Variants in CEMIP2 observed in about 807,000 individuals in gnomAD.
CEMIP2 encodes cell migration inducing hyaluronidase 2, also known as cell surface hyaluronidase CEMIP2.
A neutral mutation model predicts 146.9 loss-of-function variants in CEMIP2; 79 were observed. The observed-to-expected ratio is 0.54, with a 90% CI of 0.45 to 0.65. The LOEUF (loss-of-function observed/expected upper bound fraction) is 0.65. Ranked by LOEUF, CEMIP2 falls within the 30% of genes least tolerant of loss-of-function variation. CEMIP2 has a pLI of 0.00. For synonymous variants in CEMIP2, 601 were observed against 606.3 expected, an observed-to-expected ratio of 0.99 and a Z score of 0.13; for missense variants, 1,596 against 1,696.2, an observed-to-expected ratio of 0.94 and a Z score of 1.04.
At chr9:71,718,516 A>G (rs1196997263) in intron 12 of CEMIP2, among the ~76,000 whole-genome samples, 2 of 152,192 alleles carry the variant, frequency 1.3e-5, no homozygotes, top group Non-Finnish European at 2.9e-5. Context: ...AAATGTTTAG[A>G]TATAGACAAA....
chr9:71,759,331 CA>C (rs1824557669), intron 1 of CEMIP2, among the ~76,000 whole-genome samples: 1 of 152,106 alleles, frequency 6.6e-6, no homozygotes, highest in East Asian at 1.9e-4. Flanking sequence ...TTGCCTGCCC[CA>C]AAAACCTATT....
chr9:71,697,987 G>GA lies in CEMIP2; in HGVS notation c.3594_3595insT (p.Gln1199SerfsTer6). On this transcript the variant is annotated frameshift_variant, in exon 20 of 24. Coordinates refer to ENST00000377044, the MANE Select transcript of CEMIP2 (RefSeq NM_013390.3). LOFTEE classifies it high-confidence loss of function. ...GACCACTTTTCATCCTTGTTTACCT[G>GA]CCGAGTGCCACAGCCTTGACAGAGT... 1 of 1,613,206 alleles carries GA rather than the reference G, an allele frequency of 6.2e-7. No individual in the cohort carries two copies. The highest frequency in any genetic ancestry group is 8.5e-7 in the Non-Finnish European group (1 of 1,179,574).
At position 71,683,684 on chromosome 9, in the gene CEMIP2, G is replaced by A. The variant is rs1411366073; in HGVS notation, c.*1513C>T. ...GATTAAGACATGTGCCCTTAGTAAG[G>A]GCACTTACAATTAGAAAGGTTTATC... On this transcript the variant is annotated 3_prime_UTR_variant, in exon 24 of 24. Coordinates refer to ENST00000377044, the MANE Select transcript of CEMIP2 (RefSeq NM_013390.3). 1 of 152,200 alleles carries A rather than the reference G, an allele frequency of 6.6e-6. No homozygotes were observed. Among genetic ancestry groups the A allele is most frequent in the Non-Finnish European group, 1.5e-5 (1 of 67,980 alleles). 9.4% of individuals were successfully genotyped at this position (152,200 alleles called of 1,614,324 possible).
intron 22 of CEMIP2, among the ~76,000 whole-genome samples, chr9:71,688,750 G>C (rs1255345203): frequency 6.6e-6 from 1 of 152,096 alleles, no homozygotes; most frequent in Non-Finnish European, 1.5e-5. Flanking sequence ...TCTAAGCACG[G>C]CTACCCTGCA....
intron 22 of CEMIP2, 132 bp downstream of exon 22, chr9:71,689,960 A>T (rs1001461299): frequency 9.3e-7 from 1 of 1,071,400 alleles, no homozygotes; most frequent in African/African-American, 1.6e-5. Context: ...GAGGTAGGAG[A>T]GGAATGAACA....
intron 3 of CEMIP2, 67 bp downstream of exon 3, chr9:71,746,134 G>A: frequency 1.3e-6 from 2 of 1,557,596 alleles, no homozygotes; most frequent in Non-Finnish European, 1.7e-6. Context: ...TCTACATAAG[G>A]AACATCAAAT....
At position 71,737,444 on chromosome 9, in the gene CEMIP2, C is replaced by T. The variant is rs116973979; in HGVS notation, c.1205-2450G>A. Among the ~76,000 whole-genome samples, 10 of 151,748 alleles carry T rather than the reference C, an allele frequency of 6.6e-5. No homozygotes were observed. In the East Asian group the frequency reaches 1.9e-3, roughly 29 times the overall value. On this transcript the variant is annotated intron_variant, in intron 5 of 23. Coordinates refer to ENST00000377044, the MANE Select transcript of CEMIP2 (RefSeq NM_013390.3). ...AAGAAAGAAAAAGAAAAAAAATATG[C>T]TAACTCTAAGGGATGACAATATGAG...
chr9:71,739,538 G>A (rs1215528893), intron 5 of CEMIP2, among the ~76,000 whole-genome samples: 1 of 152,034 alleles, frequency 6.6e-6, no homozygotes, highest in Non-Finnish European at 1.5e-5. Flanking sequence ...GAGGCAGAAA[G>A]CTGGGGCTTG....
intron 1 of CEMIP2, among the ~76,000 whole-genome samples, chr9:71,766,076 T>G (rs1419756017): frequency 1.3e-5 from 2 of 151,660 alleles, no homozygotes; most frequent in Non-Finnish European, 2.9e-5. Context: ...TTTTTTCTTT[T>G]TTTTTTTTTC....
chr9:71,697,912 A>C (rs1317551957), intron 20 of CEMIP2, 73 bp downstream of exon 20: 1 of 1,463,054 alleles, frequency 6.8e-7, no homozygotes, highest in Non-Finnish European at 9.3e-7. Context: ...GTTTCAAAGA[A>C]AAGTGCTCCT....
In CEMIP2 at chr9:71,709,239, T is replaced by C. The variant is rs1564002631; in HGVS notation, c.2985+20A>G. On this transcript the variant is annotated intron_variant, in intron 17 of 23. Transcript: ENST00000377044. ...CAGGAGCTGGTAGGAACTTGAGCAT[T>C]ATACATTTGCTAAGCCTACCTGTGC... 8 of 1,612,826 alleles carry C rather than the reference T, an allele frequency of 5.0e-6. No individual in the cohort carries two copies. The highest frequency in any genetic ancestry group is 6.8e-6 in the Non-Finnish European group (8 of 1,178,754).
At position 71,689,978 on chromosome 9, in the gene CEMIP2, T is replaced by C. The variant is rs1822177597; in HGVS notation, c.3851+114A>G. 6 of 1,305,330 alleles carry C rather than the reference T, an allele frequency of 4.6e-6. No homozygotes were observed. The Admixed American group carries it at 1.2e-4, about 27-fold the overall frequency. 80.9% of individuals were successfully genotyped at this position (1,305,330 alleles called of 1,614,324 possible). ...GTAGGAGAGGAATGAACACCTTGCA[T>C]AGTGCCCTGAATGTCCAGAGAGTAA... On this transcript the variant is annotated intron_variant, in intron 22 of 23. Transcript: ENST00000377044.
intron 20 of CEMIP2, among the ~76,000 whole-genome samples, chr9:71,697,426 C>A (rs929185594): frequency 1.3e-5 from 2 of 152,068 alleles, no homozygotes; most frequent in Non-Finnish European, 2.9e-5. Context: ...TTAGAAGAAG[C>A]ATTTGCATTT....
chr9:71,752,056 G>A (rs75676206), intron 1 of CEMIP2, among the ~76,000 whole-genome samples: 172 of 152,160 alleles, frequency 1.1e-3, no homozygotes, highest in Middle Eastern at 6.8e-3. Flanking sequence ...AAATCTATAA[G>A]GTAGATGCCA....
At chr9:71,768,129 G>A (rs926674004) in intron 1 of CEMIP2, among the ~76,000 whole-genome samples, 3 of 152,218 alleles carry the variant, frequency 2.0e-5, no homozygotes, top group African/African-American at 7.2e-5. Flanking sequence ...TGACTCCTGG[G>A]GAGTCGGGTC....
At chr9:71,736,139 T>C (rs768905896) in intron 5 of CEMIP2, among the ~76,000 whole-genome samples, 10 of 152,190 alleles carry the variant, frequency 6.6e-5, no homozygotes, top group Non-Finnish European at 1.5e-4. Flanking sequence ...TTCATCTCTG[T>C]GCCTTTGATG....
At chr9:71,706,548 G>C (rs566208233) in intron 17 of CEMIP2, among the ~76,000 whole-genome samples, 2 of 152,124 alleles carry the variant, frequency 1.3e-5, no homozygotes, top group Non-Finnish European at 2.9e-5. Context: ...AAATACATTA[G>C]ATATTCAAAG....
chr9:71,720,925 TCA>T (rs1346494650), intron 12 of CEMIP2, among the ~76,000 whole-genome samples: 1 of 152,088 alleles, frequency 6.6e-6, no homozygotes, highest in Non-Finnish European at 1.5e-5. Context: ...TTTCATAATA[TCA>T]CATACACACA....
At chr9:71,751,208 C>T (rs144067076) in intron 1 of CEMIP2, among the ~76,000 whole-genome samples, 1,594 of 152,280 alleles carry the variant, frequency 0.01, 23 homozygotes, top group Non-Finnish European at 0.013. Context: ...AGAACTTTTT[C>T]ATCATCCCAA....
Sources: allele counts gnomAD v4.1 joint callset (sites outside exome capture counted in the v4.1 genomes callset), GRCh38; gene constraint gnomAD v4.1.1; transcripts MANE v1.5; gene names NCBI Gene and HGNC (gene_info 2026-07-23, HGNC 2026-07-21).